MVB12B: variants seen among roughly 807,000 people sequenced by gnomAD.
MVB12B encodes multivesicular body subunit 12B, also known as ESCRT-I complex subunit MVB12B.
In MVB12B, 16 loss-of-function variants were observed where a neutral mutation model predicts 41.6. The observed-to-expected ratio is 0.38, with a 90% confidence interval of 0.26 to 0.58. The LOEUF (loss-of-function observed/expected upper bound fraction) is 0.58, where lower values mean the gene tolerates loss of function less well. Among genes scored for constraint, MVB12B ranks in the 20% least tolerant of loss-of-function variants. The pLI, the probability that MVB12B is intolerant of heterozygous loss-of-function variation, is 0.62. For missense variants in MVB12B, 274 were observed against 380.2 expected, an observed-to-expected ratio of 0.72 and a Z score of 2.32; for synonymous variants, 133 against 139.7, an observed-to-expected ratio of 0.95 and a Z score of 0.34.
chr9:126,496,148 A>G (rs1833823594), intron 9 of MVB12B, among the ~76,000 whole-genome samples: 3 of 151,906 alleles, frequency 2.0e-5, no homozygotes, highest in African/African-American at 7.3e-5. Flanking sequence ...AGCTATGCCC[A>G]GAGCCTGATG....
intron 7 of MVB12B, 103 bp from the exon 8 acceptor site, chr9:126,481,266 C>A: frequency 1.0e-6 from 1 of 981,606 alleles, no homozygotes. Context: ...TGGCTCCATC[C>A]AGTGACGGAT....
rs770894296 is a variant in MVB12B, at chr9:126,381,139, C to T, written c.280C>T (p.Leu94=). The change falls in exon 3 of 10, where the codon CTG becomes TTG. Residue 94 remains leucine, a synonymous_variant. Transcript: ENST00000361171. ...GLFKSKVTRY[L]CFTRSFSKEN... ...ATTTAAATCCAAGGTTACCAGATAC[C>T]TGTGTTTCACAAGATCATTTTCCAA... 3 of 1,613,990 alleles carry T rather than the reference C, an allele frequency of 1.9e-6. No individual in the cohort carries two copies. The highest frequency in any genetic ancestry group is 1.3e-5 in the African/African-American group (1 of 75,046).
At chr9:126,444,396 A>G (rs1164370231) in intron 7 of MVB12B, among the ~76,000 whole-genome samples, 2 of 150,812 alleles carry the variant, frequency 1.3e-5, no homozygotes, top group Non-Finnish European at 3.0e-5. Context: ...TTTAATTTTT[A>G]TCAATTGGAA....
In MVB12B at chr9:126,391,055, G is replaced by A. The variant is rs566108906; in HGVS notation, c.410-1011G>A. 9.9e-5 allele frequency among the ~76,000 whole-genome samples: 15 copies of A among 152,200 alleles called. No homozygotes were observed. The highest frequency in any genetic ancestry group is 3.6e-4 in the African/African-American group (15 of 41,518). ...CTTAGCAACAGTCATCAGAGGGTGA[G>A]AAAGTGCTCAGAGGATGGCAGTTGG... On this transcript the variant is annotated intron_variant, in intron 4 of 9. Coordinates refer to ENST00000361171, the MANE Select transcript of MVB12B (RefSeq NM_033446.3). The surrounding 1 kb of genome is among the most constrained non-coding windows in gnomAD (Gnocchi z 4.4).
At chr9:126,495,603 G>A (rs1349853263) in intron 9 of MVB12B, among the ~76,000 whole-genome samples, 1 of 152,132 alleles carries the variant, frequency 6.6e-6, no homozygotes, top group Non-Finnish European at 1.5e-5. Flanking sequence ...TTCCCAGCTG[G>A]GCGCCGTGTA....
chr9:126,336,010 C>T (rs952235243), intron 1 of MVB12B, among the ~76,000 whole-genome samples: 1 of 152,260 alleles, frequency 6.6e-6, no homozygotes, highest in Non-Finnish European at 1.5e-5. Flanking sequence ...GCTGGCCTCA[C>T]CATGGCAGGA....
At chr9:126,453,895 G>T (rs1832930418) in intron 7 of MVB12B, among the ~76,000 whole-genome samples, 1 of 152,100 alleles carries the variant, frequency 6.6e-6, no homozygotes, top group South Asian at 2.1e-4. Context: ...TACCTTCCAG[G>T]GCTGGGACAA....
intron 9 of MVB12B, among the ~76,000 whole-genome samples, chr9:126,501,333 GA>G (rs1476836657): frequency 6.6e-6 from 1 of 152,218 alleles, no homozygotes; most frequent in Non-Finnish European, 1.5e-5. Flanking sequence ...CCCCACCTGA[GA>G]GATGAGTTCA....
In MVB12B at chr9:126,367,615, C is replaced by T. The variant is rs1156450315; in HGVS notation, c.205-13449C>T. ...GCTTTTGAGAGCTCTCAGCACTTGG[C>T]GCTCCCTTACAGCACGGAGGTGATT... On this transcript the variant is annotated intron_variant, in intron 2 of 9. Transcript: ENST00000361171. The surrounding 1 kb of genome is among the most constrained non-coding windows in gnomAD (Gnocchi z 4.3). Among the ~76,000 whole-genome samples the T allele has an allele frequency of 3.9e-5, 6 of 152,218 alleles. No homozygotes were observed. The highest frequency in any genetic ancestry group is 8.8e-5 in the Non-Finnish European group (6 of 68,040).
Position 126,391,665 on chromosome 9 carries a change from C to T in MVB12B, c.410-401C>T, listed in dbSNP as rs543316185. Reference sequence around the variant, plus strand: ...GACGGGAACACGTGGATTCATTCCACTGTTCTCTCTGCTTTGGGGTATGTT... The same window carrying T: ...GACGGGAACACGTGGATTCATTCCATTGTTCTCTCTGCTTTGGGGTATGTT... On this transcript the variant is annotated intron_variant, in intron 4 of 9. Coordinates refer to ENST00000361171, the MANE Select transcript of MVB12B (RefSeq NM_033446.3). This position sits in a 1 kb window ranked among gnomAD's most constrained non-coding sequence, Gnocchi z 4.4. Among the ~76,000 whole-genome samples the T allele has an allele frequency of 9.2e-5, 14 of 152,352 alleles. No homozygotes were observed. Among genetic ancestry groups the T allele is most frequent in the South Asian group, 6.2e-4 (3 of 4,824 alleles).
At chr9:126,382,212 C>A (rs1224990886) in intron 3 of MVB12B, among the ~76,000 whole-genome samples, 1 of 152,028 alleles carries the variant, frequency 6.6e-6, no homozygotes, top group African/African-American at 2.4e-5. Context: ...AGGGTCCCAT[C>A]ACAGGGTCCT....
intron 7 of MVB12B, among the ~76,000 whole-genome samples, chr9:126,464,869 G>A (rs978819841): frequency 3.9e-5 from 6 of 152,144 alleles, no homozygotes; most frequent in African/African-American, 1.2e-4. Context: ...CCTTCTGGGG[G>A]GCATGGGAAT....
chr9:126,503,320 GCTGCTGCCCCCGCCTCCTC>G lies in MVB12B; in HGVS notation c.*62_*80del, dbSNP rs930476720. On this transcript the variant is annotated 3_prime_UTR_variant, in exon 10 of 10. Transcript: ENST00000361171. ...GCCGCCCAGACTACTGACGGCAGGG[GCTGCTGCCCCCGCCTCCTC>G]CTGCCGCCTCCGCCAGCCCTCCCTC... 3.5e-6 allele frequency: 5 copies of G among 1,429,880 alleles called. No homozygotes were observed. The highest frequency in any genetic ancestry group is 3.8e-6 in the Non-Finnish European group (4 of 1,043,230). The allele number at this position is 1,429,880 out of a possible 1,614,324, so 88.6% of individuals were successfully genotyped here. A position where few individuals can be genotyped will look rare whatever the true frequency, so the allele number is the denominator to read the frequency against.
intron 1 of MVB12B, among the ~76,000 whole-genome samples, chr9:126,334,771 T>G (rs1829229429): frequency 6.6e-6 from 1 of 152,210 alleles, no homozygotes; most frequent in African/African-American, 2.4e-5. Context: ...CACAGTGTAC[T>G]GGAGAATGCC....
chr9:126,405,106 C>T (rs1473102170), intron 6 of MVB12B, among the ~76,000 whole-genome samples: 4 of 152,130 alleles, frequency 2.6e-5, no homozygotes, highest in Admixed American at 6.5e-5. Flanking sequence ...GCTCCCGCTT[C>T]GGAGCTGGCC....
intron 7 of MVB12B, among the ~76,000 whole-genome samples, chr9:126,465,686 G>T (rs1381448784): frequency 6.8e-6 from 1 of 146,318 alleles, no homozygotes; most frequent in African/African-American, 2.5e-5. Context: ...GGGGGTGGGG[G>T]GAGCACATTG....
At chr9:126,440,288 G>T (rs1832598980) in intron 7 of MVB12B, among the ~76,000 whole-genome samples, 1 of 152,178 alleles carries the variant, frequency 6.6e-6, no homozygotes, top group Non-Finnish European at 1.5e-5. Flanking sequence ...CTAGGCCGAA[G>T]TACCTCTCCA....
At chr9:126,453,053 T>C (rs975234278) in intron 7 of MVB12B, among the ~76,000 whole-genome samples, 22 of 151,950 alleles carry the variant, frequency 1.4e-4, no homozygotes, top group African/African-American at 4.8e-4. Flanking sequence ...CAAGTCAGTC[T>C]TCTATCAAGA....
rs143580694 is a variant in MVB12B, at chr9:126,332,958, G to A, written c.81+5948G>A. Among the ~76,000 whole-genome samples the A allele has an allele frequency of 6.7e-3, 1,024 of 152,330 alleles. 5 individuals are homozygous for A. The highest frequency in any genetic ancestry group is 0.029 in the South Asian group (139 of 4,826). Reference sequence around the variant, plus strand: ...TGTGTGTGTATGTGTATGTGTGCACGAGTGCATGTGTGCACATACGTGTGC... The same window carrying A: ...TGTGTGTGTATGTGTATGTGTGCACAAGTGCATGTGTGCACATACGTGTGC... On this transcript the variant is annotated intron_variant, in intron 1 of 9. Transcript: ENST00000361171.
Sources: allele counts gnomAD v4.1 joint callset (sites outside exome capture counted in the v4.1 genomes callset), GRCh38; gene constraint gnomAD v4.1.1; non-coding constraint Gnocchi (gnomAD v3.1); transcripts MANE v1.5; gene names NCBI Gene and HGNC (gene_info 2026-07-23, HGNC 2026-07-21).